The following CCDC93 variants were observed in gnomAD, a reference collection of about 807,000 sequenced individuals.
The protein encoded by CCDC93 is coiled-coil domain-containing protein 93.
A neutral mutation model predicts 108.2 loss-of-function variants in CCDC93; 61 were observed. The observed-to-expected ratio is 0.56, with a 90% CI of 0.46 to 0.70. CCDC93 has a LOEUF of 0.70. Among genes scored for constraint, CCDC93 ranks in the 30% least tolerant of loss-of-function variants. The pLI is 0.00. For synonymous variants in CCDC93, 276 were observed against 260.4 expected, an observed-to-expected ratio of 1.06 and a Z score of -0.58; for missense variants, 685 against 764.2, an observed-to-expected ratio of 0.90 and a Z score of 1.22.
At chr2:117,957,946 C>T (rs928910190) in intron 12 of CCDC93, among the ~76,000 whole-genome samples, 1 of 152,112 alleles carries the variant, frequency 6.6e-6, no homozygotes, top group Non-Finnish European at 1.5e-5. Context: ...AAGTTAAGAT[C>T]CTTGACAGGA....
chr2:117,939,024 C>A lies in CCDC93; in HGVS notation c.1605+5G>T. On this transcript the variant is annotated splice_donor_5th_base_variant and intron_variant, in intron 20 of 23. Coordinates refer to ENST00000376300, the MANE Select transcript of CCDC93 (RefSeq NM_019044.5). ...TAGCCATTTTCTTTTTATAAATGTTCTTACCTCTTTTTCCAAATAAACCTT... is the reference window on the plus strand; with the variant it reads ...TAGCCATTTTCTTTTTATAAATGTTATTACCTCTTTTTCCAAATAAACCTT... 6.7e-7 allele frequency: 1 copy of A among 1,503,164 alleles called. No individual in the cohort carries two copies. Among genetic ancestry groups the A allele is most frequent in the South Asian group, 1.1e-5 (1 of 87,732 alleles). The allele number at this position is 1,503,164 out of a possible 1,614,324, so 93.1% of individuals were successfully genotyped here.
chr2:117,938,568 A>C (rs1678595427), intron 20 of CCDC93, among the ~76,000 whole-genome samples: 1 of 151,874 alleles, frequency 6.6e-6, no homozygotes. Flanking sequence ...AAAAAAAAAA[A>C]AAAGACGAAG....
At chr2:117,988,566 C>A (rs1482520092) in intron 6 of CCDC93, among the ~76,000 whole-genome samples, 2 of 152,206 alleles carry the variant, frequency 1.3e-5, no homozygotes, top group East Asian at 3.8e-4. Flanking sequence ...AACCCAACTC[C>A]AACAGATCCA....
At chr2:117,981,673 G>A (rs947495580) in intron 7 of CCDC93, among the ~76,000 whole-genome samples, 1 of 152,168 alleles carries the variant, frequency 6.6e-6, no homozygotes, top group Non-Finnish European at 1.5e-5. Context: ...TAGGTTAGTA[G>A]GTTCATATGA....
At chr2:117,931,233 T>C in intron 22 of CCDC93, 83 bp from the exon 23 acceptor site, 1 of 866,432 alleles carries the variant, frequency 1.2e-6, no homozygotes, top group Middle Eastern at 2.2e-4. Context: ...GCAACAGTTG[T>C]TAACAGTTTC....
intron 7 of CCDC93, among the ~76,000 whole-genome samples, chr2:117,979,603 A>G (rs1680050440): frequency 6.6e-6 from 1 of 152,228 alleles, no homozygotes. Flanking sequence ...GCAAAAATCA[A>G]GAAGCCAAAA....
rs1408632696 is a variant in CCDC93, at chr2:117,941,298, C to A, written c.1414-1G>T. The A allele has an allele frequency of 6.2e-7, 1 of 1,611,712 alleles. No individual in the cohort carries two copies. Among genetic ancestry groups the A allele is most frequent in the Non-Finnish European group, 8.5e-7 (1 of 1,177,820 alleles). On this transcript the variant is annotated splice_acceptor_variant, in intron 18 of 23. Coordinates refer to ENST00000376300, the MANE Select transcript of CCDC93 (RefSeq NM_019044.5). LOFTEE classifies it high-confidence loss of function. ...TTGCTATTTCTCGATTTCTTCGAGC[C>A]TAAATGCAAAAGGGAGACAGAGACA...
intron 12 of CCDC93, among the ~76,000 whole-genome samples, chr2:117,954,252 T>C (rs1224449636): frequency 6.6e-6 from 1 of 152,122 alleles, no homozygotes; most frequent in Non-Finnish European, 1.5e-5. Flanking sequence ...ACATTGTAAC[T>C]GTGGGATTAA....
chr2:117,982,582 T>A (rs1573511169), intron 7 of CCDC93, among the ~76,000 whole-genome samples: 2 of 152,332 alleles, frequency 1.3e-5, no homozygotes, highest in East Asian at 3.9e-4. Context: ...CAAAGGGCAC[T>A]GTGGGTGTAA....
In CCDC93 at chr2:117,996,314, T is replaced by C. The variant is rs548297852; in HGVS notation, c.412A>G (p.Ile138Val). 6.2e-7 allele frequency: 1 copy of C among 1,613,818 alleles called. No individual in the cohort carries two copies. The highest frequency in any genetic ancestry group is 1.7e-5 in the Admixed American group (1 of 60,014). The change falls in exon 5 of 24, where the codon ATC (isoleucine) becomes GTC (valine). Residue 138 changes from isoleucine to valine, a missense_variant. Ile to Val is a conservative substitution (Grantham distance 29). Coordinates refer to ENST00000376300, the MANE Select transcript of CCDC93 (RefSeq NM_019044.5). ...IETKEEMGDY[I>V]RSYSVSQFQK... is the part of the protein sequence containing the mutation. ...AACTGGGATACAGAGTAGGAGCGGA[T>C]ATAGTCACCCATCTCTTCTTTTGTT... is the stretch of plus-strand genomic sequence containing the variant.
intron 11 of CCDC93, among the ~76,000 whole-genome samples, chr2:117,969,907 A>C (rs1679708336): frequency 6.6e-6 from 1 of 151,760 alleles, no homozygotes; most frequent in African/African-American, 2.4e-5. Flanking sequence ...ACTTCCTTGA[A>C]CCCTCCTTCA....
intron 18 of CCDC93, among the ~76,000 whole-genome samples, chr2:117,943,521 C>T (rs1462482738): frequency 6.6e-6 from 1 of 152,194 alleles, no homozygotes; most frequent in African/African-American, 2.4e-5. Flanking sequence ...CTACCCGAGC[C>T]CGGCCTTTCC....
intron 7 of CCDC93, among the ~76,000 whole-genome samples, chr2:117,984,375 C>G (rs866191895): frequency 2.6e-5 from 4 of 152,282 alleles, no homozygotes; most frequent in Non-Finnish European, 2.9e-5. Flanking sequence ...ATCTGTCTTG[C>G]TTCCTTTCCT....
intron 12 of CCDC93, among the ~76,000 whole-genome samples, chr2:117,957,955 G>C (rs6705724): frequency 0.97 from 148,097 of 152,278 alleles, 72,156 homozygotes; most frequent in Middle Eastern, 1. Context: ...TCCTTGACAG[G>C]AAGGATCATA....
chr2:117,988,259 C>A (rs1559505), intron 6 of CCDC93, among the ~76,000 whole-genome samples: 148,075 of 152,254 alleles, frequency 0.97, 72,143 homozygotes, highest in Middle Eastern at 1. Flanking sequence ...TCTACTTTGC[C>A]TGTCTGGGTT....
chr2:117,953,235 T>C (rs1303358868), intron 12 of CCDC93, among the ~76,000 whole-genome samples: 2 of 152,234 alleles, frequency 1.3e-5, no homozygotes, highest in Admixed American at 1.3e-4. Flanking sequence ...TGCCCCATCC[T>C]TGGGCCTGTA....
At chr2:117,930,950 C>CA in intron 23 of CCDC93, 87 bp downstream of exon 23, 1 of 840,822 alleles carries the variant, frequency 1.2e-6, no homozygotes, top group Non-Finnish European at 1.9e-6. Flanking sequence ...AGAGGAAAAC[C>CA]AAAAAACTGC....
intron 8 of CCDC93, among the ~76,000 whole-genome samples, chr2:117,977,549 G>A (rs1036049554): frequency 6.6e-6 from 1 of 152,236 alleles, no homozygotes; most frequent in Non-Finnish European, 1.5e-5. Context: ...CCTTTGTGAA[G>A]TTAGAAAAGC....
At chr2:117,973,804 A>T in intron 11 of CCDC93, 104 bp downstream of exon 11, 1 of 840,984 alleles carries the variant, frequency 1.2e-6, no homozygotes, top group Non-Finnish European at 2.0e-6. Flanking sequence ...CTGGTGAGTT[A>T]CAAGAGAACA....
Sources: gnomAD v4.1 joint callset for allele counts (sites outside exome capture counted in the v4.1 genomes callset) on GRCh38, gnomAD v4.1.1 for gene constraint, MANE v1.5 for transcripts, NCBI Gene and HGNC (gene_info 2026-07-23, HGNC 2026-07-21) for gene names.